P2RY8: variants seen among roughly 807,000 people sequenced by gnomAD.
P2RY8 encodes the protein P2Y receptor family member 8.
In P2RY8, 6 loss-of-function variants were observed where a neutral mutation model predicts 10.0. The observed-to-expected ratio is 0.60, with a 90% CI of 0.33 to 1.19. P2RY8 has a LOEUF of 1.19. Ranked by LOEUF, P2RY8 falls within the 50% of genes most tolerant of loss-of-function variation. The pLI, the probability that P2RY8 is intolerant of heterozygous loss-of-function variation, is 0.04. For missense variants in P2RY8, 456 were observed against 542.0 expected, an observed-to-expected ratio of 0.84 and a Z score of 1.58; for synonymous variants, 276 against 252.5, an observed-to-expected ratio of 1.09 and a Z score of -0.88.
chrX:1,527,104 A>T (rs1190661374), intron 1 of P2RY8, among the ~76,000 whole-genome samples: 14 of 152,180 alleles, frequency 9.2e-5, no homozygotes, highest in South Asian at 2.1e-4. Flanking sequence ...CACGCTGGCC[A>T]GGCTGGTCTT....
chrX:1,478,595 C>T (rs2091902445), intron 1 of P2RY8, among the ~76,000 whole-genome samples: 2 of 152,142 alleles, frequency 1.3e-5, no homozygotes, highest in Non-Finnish European at 2.9e-5. Flanking sequence ...TCTCTTGCCT[C>T]AGCCTCCTGA....
At chrX:1,522,493 G>A (rs1248834983) in intron 1 of P2RY8, among the ~76,000 whole-genome samples, 4 of 152,158 alleles carry the variant, frequency 2.6e-5, no homozygotes, top group Non-Finnish European at 4.4e-5. Context: ...ACCAAGATGC[G>A]ATAATTATAG....
At chrX:1,510,689 C>T (rs760892419) in intron 1 of P2RY8, among the ~76,000 whole-genome samples, 1 of 151,796 alleles carries the variant, frequency 6.6e-6, no homozygotes, top group East Asian at 1.9e-4. Context: ...ACCAGCCTGG[C>T]GACCACAGTG....
chrX:1,483,326 G>C (rs2091956688), intron 1 of P2RY8, among the ~76,000 whole-genome samples: 1 of 151,842 alleles, frequency 6.6e-6, no homozygotes. Flanking sequence ...TAGATCCAAA[G>C]CGGGGTTTCC....
At chrX:1,484,876 G>A (rs2149386968) in intron 1 of P2RY8, among the ~76,000 whole-genome samples, 1 of 151,134 alleles carries the variant, frequency 6.6e-6, no homozygotes, top group South Asian at 2.1e-4. Context: ...TCCTCAAATA[G>A]TTAACCATGT....
chrX:1,515,818 G>T lies in P2RY8; in HGVS notation c.-25+21103C>A, dbSNP rs151301200. ...CTGTCAGGAGGTGAGAGCTCTGGGG[G>T]AGATTAGGGTGGGATGAGTTTACAG... On this transcript the variant is annotated intron_variant, in intron 1 of 1. Transcript: ENST00000381297. 3.3e-3 allele frequency among the ~76,000 whole-genome samples: 503 copies of T among 151,926 alleles called. 4 individuals are homozygous for T. The highest frequency in any genetic ancestry group is 0.012 in the African/African-American group (493 of 41,444).
chrX:1,537,148 G>A lies in P2RY8; in HGVS notation c.-252C>T, dbSNP rs1436246052. 4.7e-5 allele frequency: 11 copies of A among 232,530 alleles called. No individual in the cohort carries two copies. The highest frequency in any genetic ancestry group is 1.1e-4 in the Admixed American group (2 of 17,754). 14.4% of individuals were successfully genotyped at this position (232,530 alleles called of 1,614,324 possible). ...GCAACCTTGCAAAGGCGGCCGCTTC[G>A]CTGGGTGGCCCACCGGCTGGCACGA... On this transcript the variant is annotated 5_prime_UTR_variant, in exon 1 of 2. Coordinates refer to ENST00000381297, the MANE Select transcript of P2RY8 (RefSeq NM_178129.5).
At chrX:1,496,049 A>G (rs1200111072) in intron 1 of P2RY8, among the ~76,000 whole-genome samples, 2 of 152,174 alleles carry the variant, frequency 1.3e-5, no homozygotes, top group African/African-American at 2.4e-5. Context: ...TGGGAGAAAC[A>G]ATGTCTGTTG....
intron 1 of P2RY8, among the ~76,000 whole-genome samples, chrX:1,519,488 G>C (rs1291873722): frequency 1.3e-5 from 2 of 150,684 alleles, no homozygotes; most frequent in Non-Finnish European, 3.0e-5. Flanking sequence ...AATCTCTCTG[G>C]TCCCCAATCA....
Position 1,465,914 on chromosome X carries a change from G to A in P2RY8, c.645C>T (p.Ala215=). Residue 215 remains alanine, a synonymous_variant, in exon 2 of 2, where the codon GCC becomes GCT. Transcript: ENST00000381297. ...PFVITVACYT[A]TILKLLRTEE... is the part of the protein sequence containing the mutation. ...CCGTGCGCAACAGCTTGAGGATGGTGGCCGTGTAACAAGCCACGGTGATCA... is the reference window on the plus strand; with the variant it reads ...CCGTGCGCAACAGCTTGAGGATGGTAGCCGTGTAACAAGCCACGGTGATCA... 1.9e-6 allele frequency: 3 copies of A among 1,612,498 alleles called. No individual in the cohort carries two copies. The highest frequency in any genetic ancestry group is 2.5e-6 in the Non-Finnish European group (3 of 1,179,772).
At chrX:1,484,793 A>C (rs2091972662) in intron 1 of P2RY8, among the ~76,000 whole-genome samples, 1 of 147,404 alleles carries the variant, frequency 6.8e-6, no homozygotes, top group African/African-American at 2.5e-5. Flanking sequence ...CTTCCTGAGC[A>C]AAAACTAGAA....
chrX:1,510,409 C>G (rs1307112441), intron 1 of P2RY8, among the ~76,000 whole-genome samples: 1 of 152,148 alleles, frequency 6.6e-6, no homozygotes, highest in Non-Finnish European at 1.5e-5. Flanking sequence ...ACTGGTGAAG[C>G]TCGTCCAGCT....
At chrX:1,482,065 C>G (rs1237428757) in intron 1 of P2RY8, among the ~76,000 whole-genome samples, 2 of 152,126 alleles carry the variant, frequency 1.3e-5, no homozygotes, top group Non-Finnish European at 2.9e-5. Flanking sequence ...ATCTCATTCT[C>G]AGAGTATATA....
Position 1,510,587 on chromosome X carries a change from C to T in P2RY8, c.-25+26334G>A, listed in dbSNP as rs181235298. Among the ~76,000 whole-genome samples, 244 of 152,120 alleles carry T rather than the reference C, an allele frequency of 1.6e-3. 1 individual carries two copies. The highest frequency in any genetic ancestry group is 5.6e-3 in the African/African-American group (233 of 41,504). ...TCAGTGCCTCTGTGTTCTGGAAGCCCCTTTTGACAGCCAGGCGCAGTGGCT... is the reference window on the plus strand; with the variant it reads ...TCAGTGCCTCTGTGTTCTGGAAGCCTCTTTTGACAGCCAGGCGCAGTGGCT... On this transcript the variant is annotated intron_variant, in intron 1 of 1. Transcript: ENST00000381297.
chrX:1,497,366 C>G (rs1603457679), intron 1 of P2RY8, among the ~76,000 whole-genome samples: 3 of 147,672 alleles, frequency 2.0e-5, no homozygotes, highest in Admixed American at 2.0e-4. Context: ...GTGGCCCAAG[C>G]TGGAGTGTAG....
intron 1 of P2RY8, among the ~76,000 whole-genome samples, chrX:1,536,596 C>T (rs1253757424): frequency 1.3e-5 from 2 of 152,104 alleles, no homozygotes; most frequent in South Asian, 2.1e-4. Flanking sequence ...GGGGTTTCAC[C>T]GTGTTAGCCA....
intron 1 of P2RY8, among the ~76,000 whole-genome samples, chrX:1,476,424 AAAG>A (rs1210690419): frequency 6.6e-6 from 1 of 151,506 alleles, no homozygotes; most frequent in Non-Finnish European, 1.5e-5. Context: ...AAAATACAAA[AAAG>A]AAAAAAAAAA....
chrX:1,521,029 CTTTTCTTTTTTT>C (rs1475505093), intron 1 of P2RY8, among the ~76,000 whole-genome samples: 7 of 83,870 alleles, frequency 8.3e-5, no homozygotes, highest in Admixed American at 1.7e-4. Flanking sequence ...TCTGATTTTT[CTTTTCTTTTTTT>C]TTTTTTTTTT....
At position 1,517,180 on chromosome X, in the gene P2RY8, T is replaced by C. The variant is rs375231498; in HGVS notation, c.-25+19741A>G. On this transcript the variant is annotated intron_variant, in intron 1 of 1. Coordinates refer to ENST00000381297, the MANE Select transcript of P2RY8 (RefSeq NM_178129.5). Reference sequence around the variant, plus strand: ...TCTCTTGTTTCTAAGCCACCCAGTCTATGGTATTCTGTGGTAGCAGCCTGA... The same window carrying C: ...TCTCTTGTTTCTAAGCCACCCAGTCCATGGTATTCTGTGGTAGCAGCCTGA... Among the ~76,000 whole-genome samples, 65 of 151,494 alleles carry C rather than the reference T, an allele frequency of 4.3e-4. No homozygotes were observed. In the South Asian group the frequency reaches 0.012, roughly 28 times the overall value.
Sources: gnomAD v4.1 joint callset for allele counts (sites outside exome capture counted in the v4.1 genomes callset) on GRCh38, gnomAD v4.1.1 for gene constraint, MANE v1.5 for transcripts, NCBI Gene and HGNC (gene_info 2026-07-23, HGNC 2026-07-21) for gene names.